Variants in PTCH1 observed in about 807,000 individuals in gnomAD.
The protein encoded by PTCH1 is patched 1, also known as protein patched homolog 1.
Under a neutral mutation model 144.6 loss-of-function variants are expected in PTCH1, and 14 were observed. The observed-to-expected ratio is 0.10, with a 90% confidence interval of 0.06 to 0.15. The LOEUF (loss-of-function observed/expected upper bound fraction) is 0.15, where lower values mean the gene tolerates loss of function less well. Among genes scored for constraint, PTCH1 ranks in the 10% least tolerant of loss-of-function variants. The pLI is 1.00. For missense variants in PTCH1, 1,623 were observed against 1,948.3 expected (o/e 0.83, Z 3.14); for synonymous variants, 833 against 793.6 (o/e 1.05, Z -0.83).
chr9:95,454,804 C>G (rs144560211), intron 19 of PTCH1, among the ~76,000 whole-genome samples: 124 of 152,352 alleles, frequency 8.1e-4, no homozygotes, highest in African/African-American at 2.9e-3. Flanking sequence ...CAATAACTGC[C>G]AACTCTAAAT....
intron 12 of PTCH1, among the ~76,000 whole-genome samples, chr9:95,470,164 T>TG (rs1421725345): frequency 6.6e-6 from 1 of 152,184 alleles, no homozygotes; most frequent in East Asian, 1.9e-4. Flanking sequence ...CATAAACCGA[T>TG]AAGGCACAAA....
intron 2 of PTCH1, chr9:95,503,483 C>A (rs1376674496): frequency 1.3e-5 from 2 of 152,210 alleles, no homozygotes; most frequent in African/African-American, 4.8e-5. Flanking sequence ...TGTATAGTCA[C>A]CTCTCTAGTT....
intron 20 of PTCH1, chr9:95,452,809 T>C (rs1478825269): frequency 2.0e-5 from 3 of 153,450 alleles, no homozygotes; most frequent in Non-Finnish European, 4.4e-5. Context: ...ATTTTTAAGT[T>C]TTCCTTTCTA....
At chr9:95,501,359 A>G (rs1007293721) in intron 2 of PTCH1, among the ~76,000 whole-genome samples, 3 of 152,120 alleles carry the variant, frequency 2.0e-5, no homozygotes, top group Non-Finnish European at 4.4e-5. Context: ...CCCAATGTCA[A>G]TAGTCCTGAG....
chr9:95,492,810 TGAG>T lies in PTCH1; in HGVS notation c.395-6939_395-6937del, dbSNP rs1230808726. ...TGCATCAAAGACTTTTCTCAGCCAGTGAGGAGATGCATTTTTTTCAGTAGGGCT... is the reference window on the plus strand; with the variant it reads ...TGCATCAAAGACTTTTCTCAGCCAGTGAGATGCATTTTTTTCAGTAGGGCT... On this transcript the variant is annotated intron_variant, in intron 2 of 23. Coordinates refer to ENST00000331920, the MANE Select transcript of PTCH1 (RefSeq NM_000264.5). Among the ~76,000 whole-genome samples the T allele has an allele frequency of 4.8e-5, 6 of 126,144 alleles. No individual in the cohort carries two copies. The East Asian group carries it at 1.3e-3, about 27-fold the overall frequency. The allele number at this position is 126,144 out of a possible 152,430, so 82.8% of individuals were successfully genotyped here.
intron 2 of PTCH1, 75 bp from the exon 3 acceptor site, chr9:95,485,949 C>G (rs992170414): frequency 2.0e-6 from 3 of 1,512,560 alleles, no homozygotes; most frequent in Non-Finnish European, 2.7e-6. Context: ...ATCTGACTAC[C>G]TGCCATAGGA....
chr9:95,516,152 T>C (rs1410236291), intron 1 of PTCH1, among the ~76,000 whole-genome samples: 1 of 151,260 alleles, frequency 6.6e-6, no homozygotes, highest in Non-Finnish European at 1.5e-5. Context: ...TCCGTGAGAA[T>C]TCCCCCCGGA....
rs1366288601 is a variant in PTCH1, at chr9:95,468,956, C to T, written c.2045G>A (p.Arg682His). 5 of 1,613,876 alleles carry T rather than the reference C, an allele frequency of 3.1e-6. No individual in the cohort carries two copies. The highest frequency in any genetic ancestry group is 1.6e-4 in the Middle Eastern group (1 of 6,084). ...GACGGGCTGCACAGAGATCTCGGAG[C>T]GCGGCTCAGCGGTGGTGTAGTACAC... is the stretch of plus-strand genomic sequence containing the variant. The part of the protein sequence containing the change: ...THVYYTTAEP[R>H]SEISVQPVTV... The change falls in exon 14 of 24, where the codon CGC becomes CAC. Residue 682 changes from arginine to histidine, a missense_variant. Transcript: ENST00000331920.
Position 95,448,985 on chromosome 9 carries a change from C to A in PTCH1, c.3804+84G>T, listed in dbSNP as rs1312128496. ...CCATCTGCCTGTGTGATGTGCTGCT[C>A]AGCAGACAGGAGCCCCCGCTGGACC... On this transcript the variant is annotated intron_variant, in intron 22 of 23. Transcript: ENST00000331920. 6.3e-6 allele frequency: 10 copies of A among 1,580,240 alleles called. No homozygotes were observed. In the East Asian group the frequency reaches 2.2e-4, roughly 36 times the overall value.
At chr9:95,495,579 C>T (rs1286560910) in intron 2 of PTCH1, among the ~76,000 whole-genome samples, 1 of 152,076 alleles carries the variant, frequency 6.6e-6, no homozygotes, top group Admixed American at 6.5e-5. Context: ...GCTAGTCAAG[C>T]AGTTTGGGAA....
In PTCH1 at chr9:95,509,114, C is replaced by T. The variant is rs535843555; in HGVS notation, c.-753G>A. The stretch of plus-strand genomic sequence containing the variant: ...ACCATTCTGTCCCCGTGCAGCGCGC[C>T]TCTCTCGCTCCCGGGACCTGGGGAC... On this transcript the variant is annotated 5_prime_UTR_variant, in exon 1 of 24. Coordinates refer to ENST00000331920, the MANE Select transcript of PTCH1 (RefSeq NM_000264.5). 1.3e-5 allele frequency among the ~76,000 whole-genome samples: 2 copies of T among 152,244 alleles called. No individual in the cohort carries two copies. The highest frequency in any genetic ancestry group is 4.8e-5 in the African/African-American group (2 of 41,568).
chr9:95,462,665 C>G (rs905310854), intron 15 of PTCH1, among the ~76,000 whole-genome samples: 1 of 152,132 alleles, frequency 6.6e-6, no homozygotes, highest in African/African-American at 2.4e-5. Context: ...CTCGTGTGCA[C>G]GCAGGGAAAT....
At chr9:95,511,560 G>T (rs1390826213), upstream of PTCH1, among the ~76,000 whole-genome samples, 2 of 152,222 alleles carry the variant, frequency 1.3e-5, no homozygotes, top group African/African-American at 4.8e-5. Context: ...CGCTTAAGGA[G>T]CACGTGATTT....
intron 9 of PTCH1, 126 bp from the exon 10 acceptor site, chr9:95,477,828 TACATCAAGGGCG>T (rs1302921681): frequency 2.0e-5 from 30 of 1,476,952 alleles, no homozygotes; most frequent in Non-Finnish European, 2.5e-5. Context: ...AACAAAACTT[TACATCAAGGGCG>T]TCACATAAAA....
intron 2 of PTCH1, chr9:95,494,127 C>T: frequency 1.2e-6 from 1 of 863,804 alleles, no homozygotes; most frequent in Non-Finnish European, 1.4e-6. Context: ...AGGTAGTGCG[C>T]AGGCGCTCGC....
chr9:95,499,814 C>A (rs577090152), intron 2 of PTCH1, among the ~76,000 whole-genome samples: 1 of 152,152 alleles, frequency 6.6e-6, no homozygotes, highest in South Asian at 2.1e-4. Flanking sequence ...CCGAGGAGAA[C>A]TGAACACTCA....
intron 23 of PTCH1, 190 bp downstream of exon 23, chr9:95,446,721 G>A: frequency 1.4e-6 from 1 of 720,444 alleles, no homozygotes; most frequent in Non-Finnish European, 2.4e-6. Flanking sequence ...TGTGGAGCTG[G>A]ACTGGTTCCC....
intron 15 of PTCH1, 127 bp from the exon 16 acceptor site, chr9:95,462,125 T>G: frequency 9.3e-7 from 1 of 1,072,110 alleles, no homozygotes; most frequent in Non-Finnish European, 1.4e-6. Flanking sequence ...ACACACCCTC[T>G]GTGTCCCACA....
rs185999480 is a variant in PTCH1 at position 95,491,373 on chromosome 9, T to C, written c.395-5499A>G. On this transcript the variant is annotated intron_variant, in intron 2 of 23. Transcript: ENST00000331920. ...GCTGAGCCTCAGCCACCTTTCCTGGTTGCTGAGGATAACAGGGATAACAAA... is the reference window on the plus strand; with the variant it reads ...GCTGAGCCTCAGCCACCTTTCCTGGCTGCTGAGGATAACAGGGATAACAAA... Among the ~76,000 whole-genome samples the C allele has an allele frequency of 4.6e-5, 7 of 152,290 alleles. No individual in the cohort carries two copies. In the East Asian group the frequency reaches 1.4e-3, roughly 29 times the overall value.
Sources: gnomAD v4.1 joint callset for allele counts (sites outside exome capture counted in the v4.1 genomes callset) on GRCh38, gnomAD v4.1.1 for gene constraint, MANE v1.5 for transcripts, NCBI Gene and HGNC (gene_info 2026-07-23, HGNC 2026-07-21) for gene names.